The following ZBTB4 variants were observed in gnomAD, a reference collection of about 807,000 sequenced individuals.
The protein encoded by ZBTB4 is zinc finger and BTB domain-containing protein 4.
In ZBTB4, 14 loss-of-function variants were observed where a neutral mutation model predicts 59.8. That is an observed-to-expected ratio of 0.23 (90% CI 0.15 to 0.37). ZBTB4 has a LOEUF of 0.37. Among genes scored for constraint, ZBTB4 ranks in the 10% least tolerant of loss-of-function variants. The probability of loss-of-function intolerance (pLI) is 1.00; values close to 1 mark genes in which losing one functional copy is unlikely to be tolerated. For synonymous variants in ZBTB4, 587 were observed against 575.2 expected (o/e 1.02, Z -0.29); for missense variants, 1,198 against 1,380.8 (o/e 0.87, Z 2.10).
In ZBTB4 at chr17:7,475,210, G is replaced by A. The variant is rs532413594; in HGVS notation, c.-81+4246C>T. 1.1e-4 allele frequency among the ~76,000 whole-genome samples: 16 copies of A among 151,056 alleles called. No individual in the cohort carries two copies. In the South Asian group the frequency reaches 2.9e-3, roughly 28 times the overall value. Reference sequence around the variant, plus strand: ...TAAAAAATTAGCTGGGCGTAGTGGCGGGCGCCTGTAACCCCAGCTACCCGG... The same window carrying A: ...TAAAAAATTAGCTGGGCGTAGTGGCAGGCGCCTGTAACCCCAGCTACCCGG... On this transcript the variant is annotated intron_variant, in intron 1 of 3. Coordinates refer to ENST00000380599, the MANE Select transcript of ZBTB4 (RefSeq NM_001128833.2).
chr17:7,463,919 G>A lies in ZBTB4; in HGVS notation c.1092-29C>T, dbSNP rs572335538. The A allele has an allele frequency of 1.3e-5, 21 of 1,591,092 alleles. No individual in the cohort carries two copies. In the South Asian group the frequency reaches 2.3e-4, roughly 17 times the overall value. ...GGTCAGGACAGCAGGGAATAGGGCAGGAACACAGGCACTTGAGTCAAGGGC... is the reference window on the plus strand; with the variant it reads ...GGTCAGGACAGCAGGGAATAGGGCAAGAACACAGGCACTTGAGTCAAGGGC... On this transcript the variant is annotated intron_variant, in intron 3 of 3. Coordinates refer to ENST00000380599, the MANE Select transcript of ZBTB4 (RefSeq NM_001128833.2).
intron 1 of ZBTB4, among the ~76,000 whole-genome samples, chr17:7,468,984 C>T (rs928855067): frequency 2.6e-5 from 4 of 152,036 alleles, no homozygotes; most frequent in Non-Finnish European, 5.9e-5. Flanking sequence ...TCAGGTAGGT[C>T]GTAGGTCAGG....
Position 7,463,340 on chromosome 17 carries a change from G to A in ZBTB4, c.1642C>T (p.Pro548Ser). Reference protein sequence around the residue: ...TAVSPATAAGPAMATTTEEAK... With the variant: ...TAVSPATAAGSAMATTTEEAK... ...TCCTCCGTGGTGGTGGCCATGGCTGGCCCTGCAGCGGTGGCTGGGCTGACT... is the reference window on the plus strand; with the variant it reads ...TCCTCCGTGGTGGTGGCCATGGCTGACCCTGCAGCGGTGGCTGGGCTGACT... The change falls in exon 4 of 4, where the codon CCA becomes TCA. Residue 548 changes from proline (P) to serine (S), a missense_variant. Physicochemically the swap from Pro to Ser is moderately conservative, Grantham distance 74. Coordinates refer to ENST00000380599, the MANE Select transcript of ZBTB4 (RefSeq NM_001128833.2). 6.2e-7 allele frequency: 1 copy of A among 1,607,290 alleles called. No homozygotes were observed. The highest frequency in any genetic ancestry group is 8.5e-7 in the Non-Finnish European group (1 of 1,177,178).
At chr17:7,470,667 G>C (rs568738262) in intron 1 of ZBTB4, among the ~76,000 whole-genome samples, 1 of 152,346 alleles carries the variant, frequency 6.6e-6, no homozygotes, top group African/African-American at 2.4e-5. Flanking sequence ...TTGCACTCCA[G>C]CTTGGGCAAC....
intron 1 of ZBTB4, among the ~76,000 whole-genome samples, chr17:7,470,903 T>C (rs1287253903): frequency 6.6e-6 from 1 of 152,164 alleles, no homozygotes; most frequent in East Asian, 1.9e-4. Context: ...GGTGCCTTTC[T>C]GAAAATTAGA....
chr17:7,482,748 G>T, upstream of ZBTB4: 1 of 1,612,048 alleles, frequency 6.2e-7, no homozygotes, highest in African/African-American at 1.3e-5. Context: ...AGTTGGAGTT[G>T]TGTGGGGGCA....
chr17:7,481,603 G>C, upstream of ZBTB4: 1 of 988,348 alleles, frequency 1.0e-6, no homozygotes, highest in Non-Finnish European at 1.4e-6. Flanking sequence ...AAACTTAGCT[G>C]TCTCAGAGAT....
upstream of ZBTB4, among the ~76,000 whole-genome samples, chr17:7,480,670 A>G (rs2070333016): frequency 6.6e-6 from 1 of 152,022 alleles, no homozygotes; most frequent in Non-Finnish European, 1.5e-5. Context: ...CAGTGAGCCG[A>G]GATCTCGCCA....
Position 7,463,106 on chromosome 17 carries a change from C to T in ZBTB4, c.1876G>A (p.Gly626Arg). The T allele has an allele frequency of 6.2e-7, 1 of 1,610,120 alleles. No individual in the cohort carries two copies. Among genetic ancestry groups the T allele is most frequent in the Non-Finnish European group, 8.5e-7 (1 of 1,179,166 alleles). Residue 626 changes from glycine to arginine, a missense_variant, in exon 4 of 4, where the codon GGG becomes AGG. Physicochemically the swap from Gly to Arg is moderately radical, Grantham distance 125 (BLOSUM62 -2). Coordinates refer to ENST00000380599, the MANE Select transcript of ZBTB4 (RefSeq NM_001128833.2). ...RRISETDLRPGELSGEEMEES... is the reference protein window; with the variant it reads ...RRISETDLRPRELSGEEMEES... ...TCCATCTCCTCTCCGCTCAGCTCCCCAGGACGCAGGTCAGTCTCTGAGATG... is the reference window on the plus strand; with the variant it reads ...TCCATCTCCTCTCCGCTCAGCTCCCTAGGACGCAGGTCAGTCTCTGAGATG...
chr17:7,476,887 G>C (rs1182755554), intron 1 of ZBTB4, among the ~76,000 whole-genome samples: 4 of 152,222 alleles, frequency 2.6e-5, no homozygotes, highest in African/African-American at 9.6e-5. Flanking sequence ...ACCATCCACT[G>C]AATGTTCCAG....
At chr17:7,464,520 A>G (rs2150851983) in intron 3 of ZBTB4, among the ~76,000 whole-genome samples, 1 of 149,570 alleles carries the variant, frequency 6.7e-6, no homozygotes, top group African/African-American at 2.5e-5. Flanking sequence ...GGGCCTCAGG[A>G]TGGCTTTTTT....
chr17:7,477,339 T>C (rs2070282487), intron 1 of ZBTB4, among the ~76,000 whole-genome samples: 1 of 152,184 alleles, frequency 6.6e-6, no homozygotes, highest in Admixed American at 6.5e-5. Flanking sequence ...TCAGATCAAG[T>C]GCCAGTGAGG....
upstream of ZBTB4, chr17:7,481,510 A>G (rs1346009656): frequency 6.4e-7 from 1 of 1,560,580 alleles, no homozygotes. Flanking sequence ...AGAAAGTCCA[A>G]GGAAAGATGG....
chr17:7,476,832 G>A (rs939170528), intron 1 of ZBTB4, among the ~76,000 whole-genome samples: 2 of 152,204 alleles, frequency 1.3e-5, no homozygotes, highest in African/African-American at 4.8e-5. Context: ...GCTAAGTTCT[G>A]CAGCAACTGG....
chr17:7,482,034 C>A, upstream of ZBTB4: 1 of 1,612,196 alleles, frequency 6.2e-7, no homozygotes, highest in South Asian at 1.1e-5. Context: ...ACACACCCAT[C>A]GCCGCCCTCC....
At chr17:7,482,570 G>A, upstream of ZBTB4, 1 of 1,612,408 alleles carries the variant, frequency 6.2e-7, no homozygotes, top group African/African-American at 1.3e-5. Context: ...CTATGGGCAG[G>A]CTTTCGTGGG....
rs370289163 is a variant in ZBTB4, at chr17:7,462,001, G to A, written c.2981C>T (p.Pro994Leu). ...TGCCCTTTCCCCTTCTCCCTTAGGG[G>A]GAATTGGTGGAGGAAGAGTTGGGGG... Reference protein sequence around the residue: ...PPPPTLPPPIPPKGEGERAGV... With the variant: ...PPPPTLPPPILPKGEGERAGV... The change falls in exon 4 of 4, where the codon CCC (proline) becomes CTC (leucine). Residue 994 changes from proline (P) to leucine (L), a missense_variant. Pro to Leu is a moderately conservative substitution (Grantham distance 98). Coordinates refer to ENST00000380599, the MANE Select transcript of ZBTB4 (RefSeq NM_001128833.2). This position sits in a 1 kb window ranked among gnomAD's most constrained non-coding sequence, Gnocchi z 7.5. 10 of 1,602,250 alleles carry A rather than the reference G, an allele frequency of 6.2e-6. No homozygotes were observed. The highest frequency in any genetic ancestry group is 8.5e-6 in the Non-Finnish European group (10 of 1,173,712).
chr17:7,470,079 T>C (rs771108456), intron 1 of ZBTB4, among the ~76,000 whole-genome samples: 1 of 151,804 alleles, frequency 6.6e-6, no homozygotes, highest in Non-Finnish European at 1.5e-5. Flanking sequence ...AGACTCTGTC[T>C]CAAAAAATAA....
At chr17:7,472,438 C>T (rs1391221176) in intron 1 of ZBTB4, among the ~76,000 whole-genome samples, 1 of 152,132 alleles carries the variant, frequency 6.6e-6, no homozygotes, top group African/African-American at 2.4e-5. Context: ...ATCCACCTGC[C>T]TTGGCCTCCC....
Sources: gnomAD v4.1 joint callset for allele counts (sites outside exome capture counted in the v4.1 genomes callset) on GRCh38, gnomAD v4.1.1 for gene constraint, Gnocchi (gnomAD v3.1) non-coding constraint, MANE v1.5 for transcripts, NCBI Gene and HGNC (gene_info 2026-07-23, HGNC 2026-07-21) for gene names.